ACAN: variants seen among roughly 807,000 people sequenced by gnomAD.
ACAN encodes aggrecan core protein.
ACAN carries 47 observed loss-of-function variants against 169.1 expected under a neutral mutation model. The ratio of observed to expected loss-of-function variants is 0.28; its 90% CI spans 0.22 to 0.35. ACAN has a LOEUF of 0.35. Among genes scored for constraint, ACAN ranks in the 10% least tolerant of loss-of-function variants. The pLI is 1.00. For missense variants in ACAN, 2,716 were observed against 2,759.9 expected, an observed-to-expected ratio of 0.98 and a Z score of 0.36; for synonymous variants, 1,115 against 1,112.2, an observed-to-expected ratio of 1.00 and a Z score of -0.05.
Position 88,843,316 on chromosome 15 carries a change from G to T in ACAN, c.758-39G>T. On this transcript the variant is annotated intron_variant, in intron 5 of 18. Transcript: ENST00000560601. The surrounding 1 kb of genome is among the most constrained non-coding windows in gnomAD (Gnocchi z 4.0). ...CTGGGGATGCAGAGCAGGGGGAGGG[G>T]GGAGAAGACCCTTACCCAGCTGGCT... is the stretch of plus-strand genomic sequence containing the variant. The T allele has an allele frequency of 6.6e-7, 1 of 1,522,656 alleles. No homozygotes were observed. Among genetic ancestry groups the T allele is most frequent in the Non-Finnish European group, 8.8e-7 (1 of 1,130,638 alleles). The allele number at this position is 1,522,656 out of a possible 1,614,324, so 94.3% of individuals were successfully genotyped here.
chr15:88,831,232 G>C (rs1001632095), intron 1 of ACAN, among the ~76,000 whole-genome samples: 25 of 152,338 alleles, frequency 1.6e-4, no homozygotes, highest in African/African-American at 6.0e-4. Flanking sequence ...GCCCTGGGAA[G>C]GGGTGACCCT....
Position 88,872,077 on chromosome 15 carries a change from C to G in ACAN, c.7294C>G (p.His2432Asp). The G allele has an allele frequency of 6.2e-7, 1 of 1,613,738 alleles. No individual in the cohort carries two copies. The highest frequency in any genetic ancestry group is 1.1e-5 in the South Asian group (1 of 91,074). Residue 2432 changes from histidine (H) to aspartate (D), a missense_variant, in exon 16 of 19, where the codon CAC becomes GAC. Transcript: ENST00000560601. This position sits in a 1 kb window ranked among gnomAD's most constrained non-coding sequence, Gnocchi z 5.4. ...IEGDFRWSDG[H>D]PMQFENWRPN... ...AGGGGACTTCCGCTGGTCAGATGGA[C>G]ACCCCATGGTGAGTTCTGCTGTAGG...
At chr15:88,812,643 T>TG (rs1253119626) in intron 1 of ACAN, among the ~76,000 whole-genome samples, 2 of 152,170 alleles carry the variant, frequency 1.3e-5, no homozygotes, top group African/African-American at 4.8e-5. Flanking sequence ...ATTCTGGTCA[T>TG]GCAAGTTCAA....
intron 1 of ACAN, among the ~76,000 whole-genome samples, chr15:88,817,043 G>T (rs554765997): frequency 6.6e-6 from 1 of 152,264 alleles, no homozygotes; most frequent in Middle Eastern, 3.4e-3. Flanking sequence ...GGTCACTGGG[G>T]AGCCCTTTGG....
intron 1 of ACAN, among the ~76,000 whole-genome samples, chr15:88,826,882 C>G (rs184751021): frequency 6.6e-6 from 1 of 152,248 alleles, no homozygotes; most frequent in East Asian, 1.9e-4. Flanking sequence ...CGTAAAGGGA[C>G]TGTAAATGCT....
chr15:88,842,569 G>A (rs1239566677), intron 5 of ACAN, among the ~76,000 whole-genome samples: 1 of 148,010 alleles, frequency 6.8e-6, no homozygotes, highest in Non-Finnish European at 1.5e-5. Context: ...GGGGAGAAGA[G>A]CTGACAACTG....
chr15:88,819,515 C>G (rs1896021758), intron 1 of ACAN, among the ~76,000 whole-genome samples: 2 of 150,420 alleles, frequency 1.3e-5, no homozygotes, highest in Non-Finnish European at 2.9e-5. Context: ...GTAATCCCAA[C>G]ACTTTGGAAG....
chr15:88,859,204 T>G lies in ACAN; in HGVS notation c.6619T>G (p.Ser2207Ala), dbSNP rs1897140396. 1 of 1,613,752 alleles carries G rather than the reference T, an allele frequency of 6.2e-7. No individual in the cohort carries two copies. Among genetic ancestry groups the G allele is most frequent in the African/African-American group, 1.3e-5 (1 of 74,916 alleles). ...CAGCGGAGACCTGTCTGGTCACACC[T>G]CGCAGCTGGGCGTTGTCATCAGCAC... Reference protein sequence around the residue: ...EISGDLSGHTSQLGVVISTSI... With the variant: ...EISGDLSGHTAQLGVVISTSI... Residue 2207 changes from serine (S) to alanine (A), a missense_variant, in exon 12 of 19, where the codon TCG becomes GCG. Ser to Ala is a moderately conservative substitution (Grantham distance 99). This residue lies in a region of ACAN where 1,389 missense variants were observed against 1,363.7 expected (regional missense o/e 1.02). Coordinates refer to ENST00000560601, the MANE Select transcript of ACAN (RefSeq NM_001369268.1).
intron 12 of ACAN, 110 bp downstream of exon 12, chr15:88,859,527 AAGGTT>A: frequency 6.9e-7 from 1 of 1,445,952 alleles, no homozygotes; most frequent in South Asian, 1.2e-5. Context: ...AACTCCACCA[AAGGTT>A]AGCTGTGCAG....
intron 1 of ACAN, among the ~76,000 whole-genome samples, chr15:88,829,916 G>A (rs1397976992): frequency 6.6e-6 from 1 of 152,224 alleles, no homozygotes; most frequent in East Asian, 1.9e-4. Context: ...TCTGCGTGAT[G>A]AGACAGAGTT....
intron 1 of ACAN, among the ~76,000 whole-genome samples, chr15:88,806,786 G>A (rs1895693750): frequency 6.6e-6 from 1 of 152,164 alleles, no homozygotes; most frequent in African/African-American, 2.4e-5. Context: ...GTCTGTCTCT[G>A]CTGCTGCAGG....
chr15:88,839,871 G>T lies in ACAN; in HGVS notation c.455-141G>T. 1.1e-6 allele frequency: 1 copy of T among 944,766 alleles called. No individual in the cohort carries two copies. The highest frequency in any genetic ancestry group is 1.6e-6 in the Non-Finnish European group (1 of 630,820). The allele number at this position is 944,766 out of a possible 1,614,324, so 58.5% of individuals were successfully genotyped here. ...ATTCAGAAGGATCACGTGCAAAGGT[G>T]TACAGGGAGTCATGCATCAGCCCAG... On this transcript the variant is annotated intron_variant, in intron 3 of 18. Coordinates refer to ENST00000560601, the MANE Select transcript of ACAN (RefSeq NM_001369268.1). The surrounding 1 kb of genome is among the most constrained non-coding windows in gnomAD (Gnocchi z 4.5).
In ACAN at chr15:88,859,186, G is replaced by C. The variant is rs745458647; in HGVS notation, c.6601G>C (p.Asp2201His). The C allele has an allele frequency of 1.2e-6, 2 of 1,613,850 alleles. No individual in the cohort carries two copies. The highest frequency in any genetic ancestry group is 2.2e-5 in the South Asian group (2 of 91,084). The part of the protein sequence containing the change: ...ASGDRTEISG[D>H]LSGHTSQLGV... ...TGGAGACAGGACTGAAATCAGCGGAGACCTGTCTGGTCACACCTCGCAGCT... is the reference window on the plus strand; with the variant it reads ...TGGAGACAGGACTGAAATCAGCGGACACCTGTCTGGTCACACCTCGCAGCT... The change falls in exon 12 of 19, where the codon GAC (aspartate) becomes CAC (histidine). Residue 2201 changes from aspartate (D) to histidine (H), a missense_variant. Around this residue, in one of 3 missense-constraint regions of ACAN, gnomAD observed 1,389 missense variants for 1,363.7 expected, o/e 1.02. Transcript: ENST00000560601.
intron 1 of ACAN, among the ~76,000 whole-genome samples, chr15:88,818,675 A>AT (rs1183286624): frequency 6.6e-6 from 1 of 152,218 alleles, no homozygotes; most frequent in Non-Finnish European, 1.5e-5. Context: ...TGTTGGACTC[A>AT]TTGGAAGATA....
rs913497457 is a variant in ACAN at position 88,845,806 on chromosome 15, C to T, written c.1353C>T (p.Gly451=). ...RPWGFPTPGL[G]PATAFTSEDL... is the part of the protein sequence containing the mutation. ...GGGGCTTTCCCACACCTGGCCTGGG[C>T]CCTGCCACGGCATTCACCAGTGAGG... Residue 451 remains glycine, a synonymous_variant, in exon 7 of 19, where the codon GGC becomes GGT. Transcript: ENST00000560601. The T allele has an allele frequency of 2.6e-6, 4 of 1,561,310 alleles. No homozygotes were observed. The highest frequency in any genetic ancestry group is 3.5e-6 in the Non-Finnish European group (4 of 1,152,954).
Position 88,874,955 on chromosome 15 carries a change from A to G in ACAN, c.*474A>G. ...AGGCCTGAGAGCAGGAAGAACTCGG[A>G]ACCGCAGCTGAATGTATTGGATGAG... On this transcript the variant is annotated 3_prime_UTR_variant, in exon 19 of 19. Coordinates refer to ENST00000560601, the MANE Select transcript of ACAN (RefSeq NM_001369268.1). The surrounding 1 kb of genome is among the most constrained non-coding windows in gnomAD (Gnocchi z 7.3). The G allele has an allele frequency of 3.3e-6, 1 of 299,786 alleles. No homozygotes were observed. Among genetic ancestry groups the G allele is most frequent in the South Asian group, 3.3e-5 (1 of 30,170 alleles). The allele number at this position is 299,786 out of a possible 1,614,324, so 18.6% of individuals were successfully genotyped here.
chr15:88,832,120 A>G lies in ACAN; in HGVS notation c.-7-4080A>G, dbSNP rs145542028. On this transcript the variant is annotated intron_variant, in intron 1 of 18. Transcript: ENST00000560601. ...AGCACCTAACATGCAATCAGAGGCCAAAGACCACCTGGCTGAGCTGTATAT... is the reference window on the plus strand; with the variant it reads ...AGCACCTAACATGCAATCAGAGGCCGAAGACCACCTGGCTGAGCTGTATAT... Among the ~76,000 whole-genome samples the G allele has an allele frequency of 5.9e-5, 9 of 152,286 alleles. No individual in the cohort carries two copies. In the East Asian group the frequency reaches 1.7e-3, roughly 29 times the overall value.
rs762284114 is a variant in ACAN, at chr15:88,840,077, G to A, written c.520G>A (p.Ala174Thr). The A allele has an allele frequency of 6.2e-7, 1 of 1,602,800 alleles. No homozygotes were observed. Residue 174 changes from alanine (A) to threonine (T), a missense_variant, in exon 4 of 19, where the codon GCC becomes ACC. By Grantham distance (58) the Ala-to-Thr change is moderately conservative. This residue lies in a region of ACAN where 1,283 missense variants were observed against 1,281.5 expected (regional missense o/e 1.00). Coordinates refer to ENST00000560601, the MANE Select transcript of ACAN (RefSeq NM_001369268.1). ...YTLDFDRAQR[A>T]CLQNSAIIAT... The stretch of plus-strand genomic sequence containing the variant: ...CCTCGACTTTGACAGGGCGCAGCGG[G>A]CCTGCCTGCAGAACAGTGCCATCAT...
intron 5 of ACAN, among the ~76,000 whole-genome samples, chr15:88,842,216 A>G (rs915826378): frequency 1.3e-5 from 2 of 152,114 alleles, no homozygotes; most frequent in Non-Finnish European, 2.9e-5. Flanking sequence ...CCATGCTGTC[A>G]AAGTCCAGCC....
Sources: gnomAD v4.1 joint callset for allele counts (sites outside exome capture counted in the v4.1 genomes callset) on GRCh38, gnomAD v4.1.1 for gene constraint, gnomAD v4.1.1 regional missense constraint, Gnocchi (gnomAD v3.1) non-coding constraint, MANE v1.5 for transcripts, NCBI Gene and HGNC (gene_info 2026-07-23, HGNC 2026-07-21) for gene names.